The following DOCK10 variants were observed in gnomAD, a reference collection of about 807,000 sequenced individuals.
DOCK10 encodes the protein dedicator of cytokinesis protein 10.
In DOCK10, 145 loss-of-function variants were observed where a neutral mutation model predicts 280.1. That is an observed-to-expected ratio of 0.52 (90% CI 0.45 to 0.59). The LOEUF is 0.59. Among genes scored for constraint, DOCK10 ranks in the 20% least tolerant of loss-of-function variants. DOCK10 has a pLI of 0.00. For synonymous variants in DOCK10, 915 were observed against 942.2 expected (o/e 0.97, Z 0.53); for missense variants, 2,368 against 2,651.7 (o/e 0.89, Z 2.35).
At chr2:224,951,161 A>T (rs1473260555) in intron 1 of DOCK10, among the ~76,000 whole-genome samples, 2 of 152,204 alleles carry the variant, frequency 1.3e-5, no homozygotes, top group African/African-American at 4.8e-5. Context: ...TAACTTTTAT[A>T]TGTAAGAATA....
At chr2:225,014,594 C>A (rs1177510429) in intron 1 of DOCK10, among the ~76,000 whole-genome samples, 1 of 151,622 alleles carries the variant, frequency 6.6e-6, no homozygotes, top group East Asian at 1.9e-4. Flanking sequence ...TTTTTTTCCC[C>A]ATATGTGTTT....
Position 224,834,241 on chromosome 2 carries a change from C to A in DOCK10, c.2873G>T (p.Cys958Phe). ...TTCCTCATGTACAGTCCTCTCCTTG[C>A]ATGCCCTGGTCTTGAACACGAACTG... ...YIKFVFKTRA[C>F]KERTVHEELA... is the part of the protein sequence containing the mutation. The change falls in exon 26 of 56, where the codon TGC becomes TTC. Residue 958 changes from cysteine to phenylalanine, a missense_variant. Coordinates refer to ENST00000258390, the MANE Select transcript of DOCK10 (RefSeq NM_014689.3). The A allele has an allele frequency of 1.9e-6, 3 of 1,611,430 alleles. No individual in the cohort carries two copies. Among genetic ancestry groups the A allele is most frequent in the Non-Finnish European group, 2.5e-6 (3 of 1,177,828 alleles).
At chr2:224,982,974 C>G (rs1041692306) in intron 1 of DOCK10, among the ~76,000 whole-genome samples, 4 of 152,254 alleles carry the variant, frequency 2.6e-5, no homozygotes, top group African/African-American at 9.6e-5. Flanking sequence ...CATTAACCAG[C>G]CCTGAGTGAG....
intron 3 of DOCK10, among the ~76,000 whole-genome samples, chr2:224,913,852 T>G (rs781659451): frequency 1.6e-4 from 24 of 152,210 alleles, no homozygotes; most frequent in Non-Finnish European, 3.2e-4. Context: ...CTCCCCCTGC[T>G]GAGTAGTTGG....
chr2:224,769,141 C>T (rs576166047), intron 55 of DOCK10, among the ~76,000 whole-genome samples: 1 of 152,264 alleles, frequency 6.6e-6, no homozygotes, highest in African/African-American at 2.4e-5. Flanking sequence ...ATTCCTGTCA[C>T]CCCTCAAATA....
intron 7 of DOCK10, among the ~76,000 whole-genome samples, chr2:224,885,400 T>C (rs992942351): frequency 1.3e-5 from 2 of 152,244 alleles, no homozygotes; most frequent in African/African-American, 2.4e-5. Context: ...ACCACTCTTC[T>C]GTCTCCCTTT....
rs1434479860 is a variant in DOCK10, at chr2:224,837,706, G to A, written c.2850+56C>T. Reference sequence around the variant, plus strand: ...TTCCCACTTACTGCAGACAGGAAATGAGACAAGTCACACAGCACAAGGGGA... The same window carrying A: ...TTCCCACTTACTGCAGACAGGAAATAAGACAAGTCACACAGCACAAGGGGA... On this transcript the variant is annotated intron_variant, in intron 25 of 55. Transcript: ENST00000258390. 10 of 1,458,768 alleles carry A rather than the reference G, an allele frequency of 6.9e-6. No homozygotes were observed. The East Asian group carries it at 2.0e-4, about 30-fold the overall frequency. 90.4% of individuals were successfully genotyped at this position (1,458,768 alleles called of 1,614,324 possible).
In DOCK10 at chr2:224,834,167, C is replaced by G; in HGVS notation, c.2947G>C (p.Val983Leu). 1 of 1,609,020 alleles carries G rather than the reference C, an allele frequency of 6.2e-7. No individual in the cohort carries two copies. Among genetic ancestry groups the G allele is most frequent in the African/African-American group, 1.3e-5 (1 of 74,944 alleles). Residue 983 changes from valine to leucine, a missense_variant, in exon 26 of 56, where the codon GTA becomes CTA. By Grantham distance (32) the Val-to-Leu change is conservative. Around this residue, in one of 2 missense-constraint regions of DOCK10, gnomAD observed 1,209 missense variants for 1,250.9 expected, o/e 0.97. Coordinates refer to ENST00000258390, the MANE Select transcript of DOCK10 (RefSeq NM_014689.3). ...GLLKSNDSTT[V>L]KHVLKHSWFF... is the part of the protein sequence containing the mutation. ...ATTCTTACCTTTAGGACATGCTTTACTGTTGTTGAGTCATTTGATTTCAAA... is the reference window on the plus strand; with the variant it reads ...ATTCTTACCTTTAGGACATGCTTTAGTGTTGTTGAGTCATTTGATTTCAAA...
rs1024739184 is a variant in DOCK10 at position 224,989,825 on chromosome 2, T to C, written c.123+52427A>G. On this transcript the variant is annotated intron_variant, in intron 1 of 55. Transcript: ENST00000258390. Reference sequence around the variant, plus strand: ...TCTCTGCCCCTCCTACTGCTACCTCTACTCAGGGACTTGGGACTTAAGTTT... The same window carrying C: ...TCTCTGCCCCTCCTACTGCTACCTCCACTCAGGGACTTGGGACTTAAGTTT... 4.6e-5 allele frequency among the ~76,000 whole-genome samples: 7 copies of C among 152,322 alleles called. No individual in the cohort carries two copies. The South Asian group carries it at 1.5e-3, about 32-fold the overall frequency.
At position 224,968,864 on chromosome 2, in the gene DOCK10, G is replaced by T. The variant is rs1279715351; in HGVS notation, c.124-37196C>A. Among the ~76,000 whole-genome samples the T allele has an allele frequency of 3.3e-5, 5 of 152,308 alleles. No homozygotes were observed. In the South Asian group the frequency reaches 8.3e-4, roughly 25 times the overall value. ...GCTGAATGTTTAAAGGCAACACAAGGTGTGAACGTCTCTTTAACTGACTGT... is the reference window on the plus strand; with the variant it reads ...GCTGAATGTTTAAAGGCAACACAAGTTGTGAACGTCTCTTTAACTGACTGT... On this transcript the variant is annotated intron_variant, in intron 1 of 55. Transcript: ENST00000258390.
intron 1 of DOCK10, among the ~76,000 whole-genome samples, chr2:225,019,864 G>A (rs938424595): frequency 1.4e-4 from 22 of 152,322 alleles, no homozygotes; most frequent in Admixed American, 1.2e-3. Context: ...TTAAGTAGAA[G>A]TAAGGCAAAT....
chr2:224,991,115 C>T (rs112882381), intron 1 of DOCK10, among the ~76,000 whole-genome samples: 2,239 of 152,300 alleles, frequency 0.015, 51 homozygotes, highest in African/African-American at 0.051. Flanking sequence ...GGCAGGTGGG[C>T]TGAAAGCTTC....
At chr2:224,964,684 T>C (rs1370285886) in intron 1 of DOCK10, among the ~76,000 whole-genome samples, 2 of 152,146 alleles carry the variant, frequency 1.3e-5, no homozygotes, top group African/African-American at 2.4e-5. Flanking sequence ...CTTTGAATAT[T>C]TCTAAGAAAA....
rs1157055207 is a variant in DOCK10 at position 224,773,418 on chromosome 2, C to A, written c.6014-71G>T. The stretch of plus-strand genomic sequence containing the variant: ...AAGAGTCAAGGGTTTCCCTGAAGGA[C>A]CAGAGGATCATGTATCATTTCACGG... On this transcript the variant is annotated intron_variant, in intron 52 of 55. Coordinates refer to ENST00000258390, the MANE Select transcript of DOCK10 (RefSeq NM_014689.3). The A allele has an allele frequency of 7.3e-7, 1 of 1,372,424 alleles. No individual in the cohort carries two copies. The highest frequency in any genetic ancestry group is 1.0e-6 in the Non-Finnish European group (1 of 996,450). The allele number at this position is 1,372,424 out of a possible 1,614,324, so 85.0% of individuals were successfully genotyped here.
At chr2:224,766,680 A>G (rs1690095065) in intron 55 of DOCK10, among the ~76,000 whole-genome samples, 1 of 152,228 alleles carries the variant, frequency 6.6e-6, no homozygotes, top group African/African-American at 2.4e-5. Flanking sequence ...CCATCATCAC[A>G]GTTGACTTCA....
chr2:224,923,091 T>A (rs1206202304), intron 2 of DOCK10, among the ~76,000 whole-genome samples: 1 of 152,242 alleles, frequency 6.6e-6, no homozygotes, highest in Non-Finnish European at 1.5e-5. Context: ...ATTTTACTTA[T>A]TGTTTAAATA....
chr2:224,824,386 G>A (rs1694705906), intron 27 of DOCK10, among the ~76,000 whole-genome samples: 2 of 149,386 alleles, frequency 1.3e-5, no homozygotes, highest in African/African-American at 5.0e-5. Flanking sequence ...CTGCATATGA[G>A]GGGAACATTT....
intron 2 of DOCK10, 101 bp from the exon 3 acceptor site, chr2:224,916,885 T>G: frequency 1.2e-6 from 1 of 860,000 alleles, no homozygotes. Context: ...GATCTTAGTA[T>G]TTAAAGTTAA....
chr2:224,944,711 G>A (rs1343480678), intron 1 of DOCK10, among the ~76,000 whole-genome samples: 8 of 152,124 alleles, frequency 5.3e-5, no homozygotes, highest in Non-Finnish European at 1.0e-4. Context: ...ATTCCAAAAT[G>A]AAAAGCACAT....
Sources: allele counts gnomAD v4.1 joint callset (sites outside exome capture counted in the v4.1 genomes callset), GRCh38; gene constraint gnomAD v4.1.1; regional missense constraint gnomAD v4.1.1; transcripts MANE v1.5; gene names NCBI Gene and HGNC (gene_info 2026-07-23, HGNC 2026-07-21).